The following FAM162A variants were observed in gnomAD, a reference collection of about 807,000 sequenced individuals.
The protein encoded by FAM162A is protein FAM162A.
Under a neutral mutation model 21.8 loss-of-function variants are expected in FAM162A, and 23 were observed. That is an observed-to-expected ratio of 1.05 (90% CI 0.76 to 1.49). The LOEUF (loss-of-function observed/expected upper bound fraction) is 1.49. FAM162A is among the 40% of genes most tolerant of loss of function. The pLI, the probability that FAM162A is intolerant of heterozygous loss-of-function variation, is 0.00. For synonymous variants in FAM162A, 53 were observed against 61.3 expected (o/e 0.86, Z 0.64); for missense variants, 165 against 186.4 (o/e 0.89, Z 0.67).
chr3:122,407,592 T>A, intron 4 of FAM162A: 1 of 504,914 alleles, frequency 2.0e-6, no homozygotes, highest in Non-Finnish European at 3.5e-6. Flanking sequence ...ATCCTAACTT[T>A]GGCGTGGTGA....
intron 2 of FAM162A, among the ~76,000 whole-genome samples, 159 bp downstream of exon 2, chr3:122,403,041 T>G (rs1477466825): frequency 3.3e-5 from 5 of 152,238 alleles, no homozygotes; most frequent in African/African-American, 1.2e-4. Flanking sequence ...ATGACCAATA[T>G]GAGCACAACA....
intron 4 of FAM162A, among the ~76,000 whole-genome samples, chr3:122,409,339 A>T (rs533629403): frequency 1.3e-5 from 2 of 152,190 alleles, no homozygotes; most frequent in Non-Finnish European, 2.9e-5. Flanking sequence ...GAGTATGCAG[A>T]TAAGTTGGGG....
chr3:122,410,034 G>T lies in FAM162A; in HGVS notation c.*203G>T, dbSNP rs1023930250. ...TTTATTGTTTTGATCCAAGTCAAGTGTAGCCTCTCAGCCTTTTGGAGAAAA... is the reference window on the plus strand; with the variant it reads ...TTTATTGTTTTGATCCAAGTCAAGTTTAGCCTCTCAGCCTTTTGGAGAAAA... On this transcript the variant is annotated 3_prime_UTR_variant, in exon 5 of 5. Coordinates refer to ENST00000477892, the MANE Select transcript of FAM162A (RefSeq NM_014367.4). The T allele has an allele frequency of 1.5e-5, 9 of 595,182 alleles. No homozygotes were observed. The highest frequency in any genetic ancestry group is 1.5e-4 in the African/African-American group (8 of 53,818). The allele number at this position is 595,182 out of a possible 1,614,324, so 36.9% of individuals were successfully genotyped here.
intron 1 of FAM162A, chr3:122,401,663 C>A: frequency 1.9e-6 from 1 of 524,840 alleles, no homozygotes; most frequent in Non-Finnish European, 2.7e-6. Context: ...GCCATTCTGG[C>A]TGGTTGTGAG....
chr3:122,407,153 C>G, intron 3 of FAM162A, 128 bp from the exon 4 acceptor site: 1 of 695,116 alleles, frequency 1.4e-6, no homozygotes, highest in Non-Finnish European at 2.3e-6. Flanking sequence ...TTAAAGAGAT[C>G]TCTAGGTCTC....
intron 1 of FAM162A, 54 bp from the exon 2 acceptor site, chr3:122,402,706 A>G: frequency 6.8e-7 from 1 of 1,463,592 alleles, no homozygotes; most frequent in Non-Finnish European, 9.1e-7. Flanking sequence ...TATTTTGAGA[A>G]AACATCACAT....
chr3:122,392,912 T>A (rs1026294253), intron 1 of FAM162A, among the ~76,000 whole-genome samples: 1 of 152,040 alleles, frequency 6.6e-6, no homozygotes, highest in Non-Finnish European at 1.5e-5. Context: ...AAAAAAAAAA[T>A]AAACTTAACA....
At position 122,384,415 on chromosome 3, in the gene FAM162A, G is replaced by A. The variant is rs1576244476; in HGVS notation, c.34+116G>A. The stretch of plus-strand genomic sequence containing the variant: ...GCTCCATTCCATGACGCACTTTCTC[G>A]GTTCCTCAGAATCCTACCTACTTAG... On this transcript the variant is annotated intron_variant, in intron 1 of 4. Coordinates refer to ENST00000477892, the MANE Select transcript of FAM162A (RefSeq NM_014367.4). 5.5e-6 allele frequency: 7 copies of A among 1,268,436 alleles called. No homozygotes were observed. The East Asian group carries it at 1.5e-4, about 27-fold the overall frequency. 78.6% of individuals were successfully genotyped at this position (1,268,436 alleles called of 1,614,324 possible).
At position 122,411,420 on chromosome 3, in the gene FAM162A, T is replaced by C. The variant is rs1430220912; in HGVS notation, c.*1589T>C. On this transcript the variant is annotated 3_prime_UTR_variant, in exon 5 of 5. Coordinates refer to ENST00000477892, the MANE Select transcript of FAM162A (RefSeq NM_014367.4). ...TTATTTTGGGACACCTACACCAATG[T>C]TTTAAATGTGGATAAATTTTAATGT... The C allele has an allele frequency of 6.6e-6, 1 of 152,210 alleles. No individual in the cohort carries two copies. The highest frequency in any genetic ancestry group is 1.9e-4 in the East Asian group (1 of 5,200). The allele number at this position is 152,210 out of a possible 1,614,324, so 9.4% of individuals were successfully genotyped here.
chr3:122,386,514 T>C (rs1044034143), intron 1 of FAM162A, among the ~76,000 whole-genome samples: 11 of 148,460 alleles, frequency 7.4e-5, no homozygotes, highest in South Asian at 2.1e-4. Flanking sequence ...AATACGATCA[T>C]GCTACCACAT....
intron 1 of FAM162A, among the ~76,000 whole-genome samples, chr3:122,390,602 C>A (rs9857972): frequency 0.2 from 31,132 of 152,132 alleles, 3,879 homozygotes; most frequent in African/African-American, 0.34. Context: ...ACCAGCCTCA[C>A]CCTGGCTGAC....
chr3:122,400,005 G>GAGGA (rs1355361186), intron 1 of FAM162A, among the ~76,000 whole-genome samples: 1 of 152,190 alleles, frequency 6.6e-6, no homozygotes, highest in East Asian at 1.9e-4. Context: ...TCGGAAGGCT[G>GAGGA]AAGCAGGAGA....
intron 1 of FAM162A, among the ~76,000 whole-genome samples, chr3:122,397,375 C>T (rs2075633434): frequency 6.6e-6 from 1 of 152,178 alleles, no homozygotes; most frequent in Non-Finnish European, 1.5e-5. Flanking sequence ...ACTTCCAAGG[C>T]ACAGTCTTTT....
chr3:122,389,414 GAT>G (rs2075589858), intron 1 of FAM162A, among the ~76,000 whole-genome samples: 1 of 151,904 alleles, frequency 6.6e-6, no homozygotes, highest in Non-Finnish European at 1.5e-5. Flanking sequence ...TAGATAGATA[GAT>G]AGATAGATAG....
At chr3:122,385,785 T>G (rs973043112) in intron 1 of FAM162A, among the ~76,000 whole-genome samples, 1 of 152,226 alleles carries the variant, frequency 6.6e-6, no homozygotes, top group Non-Finnish European at 1.5e-5. Context: ...TATGAGCAGC[T>G]CTCTCCATAT....
chr3:122,385,592 A>T (rs887876579), intron 1 of FAM162A, among the ~76,000 whole-genome samples: 1 of 152,250 alleles, frequency 6.6e-6, no homozygotes, highest in Non-Finnish European at 1.5e-5. Flanking sequence ...TAAGTAGTTC[A>T]TCTTCTTGCT....
At chr3:122,395,392 T>TG (rs1181769938) in intron 1 of FAM162A, among the ~76,000 whole-genome samples, 1 of 152,228 alleles carries the variant, frequency 6.6e-6, no homozygotes, top group Non-Finnish European at 1.5e-5. Context: ...GACTAAATGT[T>TG]GAACAGTTTT....
rs537579448 is a variant in FAM162A at position 122,395,163 on chromosome 3, G to A, written c.35-7597G>A. On this transcript the variant is annotated intron_variant, in intron 1 of 4. Coordinates refer to ENST00000477892, the MANE Select transcript of FAM162A (RefSeq NM_014367.4). Reference sequence around the variant, plus strand: ...AATGAAAAACCCACAACTAACATCGGACTTAATGGTGAAAGGCTGAATGCG... The same window carrying A: ...AATGAAAAACCCACAACTAACATCGAACTTAATGGTGAAAGGCTGAATGCG... Among the ~76,000 whole-genome samples, 4 of 152,292 alleles carry A rather than the reference G, an allele frequency of 2.6e-5. No homozygotes were observed. In the South Asian group the frequency reaches 8.3e-4, roughly 32 times the overall value.
At chr3:122,402,168 A>T (rs1156870293) in intron 1 of FAM162A, among the ~76,000 whole-genome samples, 1 of 151,942 alleles carries the variant, frequency 6.6e-6, no homozygotes. Flanking sequence ...TGATGAGTAT[A>T]TAGGGGTTCG....
Sources: allele counts gnomAD v4.1 joint callset (sites outside exome capture counted in the v4.1 genomes callset), GRCh38; gene constraint gnomAD v4.1.1; transcripts MANE v1.5; gene names NCBI Gene and HGNC (gene_info 2026-07-23, HGNC 2026-07-21).